PLCL1: variants seen among roughly 807,000 people sequenced by gnomAD.
PLCL1 encodes the protein phospholipase C like 1 (inactive).
A neutral mutation model predicts 84.4 loss-of-function variants in PLCL1; 41 were observed. The ratio of observed to expected loss-of-function variants is 0.49; its 90% CI spans 0.38 to 0.63. The LOEUF is 0.63. PLCL1 is among the 30% of genes least tolerant of loss of function. The pLI is 0.00. For missense variants in PLCL1, 1,206 were observed against 1,367.8 expected (o/e 0.88, Z 1.87); for synonymous variants, 490 against 488.3 (o/e 1.00, Z -0.05).
At chr2:198,091,084 GT>G (rs1285797801) in intron 3 of PLCL1, among the ~76,000 whole-genome samples, 4 of 152,194 alleles carry the variant, frequency 2.6e-5, no homozygotes, top group African/African-American at 9.7e-5. Context: ...TTCATGTACA[GT>G]TCTCTATGGA....
intron 1 of PLCL1, among the ~76,000 whole-genome samples, chr2:198,052,262 A>T (rs1204696680): frequency 6.6e-6 from 1 of 151,528 alleles, no homozygotes; most frequent in Non-Finnish European, 1.5e-5. Flanking sequence ...GTTGGCCAGG[A>T]TGGTCTCAAT....
chr2:197,830,281 T>C (rs1309839073), intron 1 of PLCL1, among the ~76,000 whole-genome samples: 1 of 151,220 alleles, frequency 6.6e-6, no homozygotes, highest in Non-Finnish European at 1.5e-5. Context: ...TGAAAAAAGG[T>C]TAGAGGGATT....
chr2:197,810,405 AGTTT>A (rs1690559578), intron 1 of PLCL1: 1 of 531,112 alleles, frequency 1.9e-6, no homozygotes, highest in Non-Finnish European at 3.1e-6. Context: ...GAATTTACAA[AGTTT>A]GTTTTCCCTT....
intron 1 of PLCL1, among the ~76,000 whole-genome samples, chr2:198,027,299 G>GA (rs1691292429): frequency 6.6e-6 from 1 of 152,100 alleles, no homozygotes; most frequent in Non-Finnish European, 1.5e-5. Context: ...TGCAGAATCT[G>GA]AAAAAAGTCT....
At chr2:198,045,528 T>A (rs1691766071) in intron 1 of PLCL1, among the ~76,000 whole-genome samples, 1 of 152,212 alleles carries the variant, frequency 6.6e-6, no homozygotes, top group Non-Finnish European at 1.5e-5. Context: ...GATGAGTCAG[T>A]TCATCTTGTT....
At chr2:197,952,968 A>G (rs1182772545) in intron 1 of PLCL1, among the ~76,000 whole-genome samples, 2 of 152,092 alleles carry the variant, frequency 1.3e-5, no homozygotes, top group Non-Finnish European at 2.9e-5. Flanking sequence ...TTTTATCAGC[A>G]GCATGAAAAC....
chr2:198,101,159 C>A, intron 3 of PLCL1, 126 bp from the exon 4 acceptor site: 1 of 666,004 alleles, frequency 1.5e-6, no homozygotes, highest in South Asian at 1.9e-5. Context: ...TCCCTCCCAT[C>A]TGTTGTGGTG....
rs770262547 is a variant in PLCL1 at position 198,103,928 on chromosome 2, G to A, written c.3097G>A (p.Val1033Ile). Residue 1033 changes from valine (V) to isoleucine (I), a missense_variant, in exon 5 of 6, where the codon GTA becomes ATA. Physicochemically the swap from Val to Ile is conservative, Grantham distance 29. Transcript: ENST00000428675. The stretch of plus-strand genomic sequence containing the variant: ...TGAGAGCTTTGCTTGGAACATTACA[G>A]TATTGAAGGTAGATGAAACACTCAG... ...ATESFAWNIT[V>I]LKGQGDLLKN... 5 of 1,563,508 alleles carry A rather than the reference G, an allele frequency of 3.2e-6. No homozygotes were observed. In the East Asian group the frequency reaches 6.9e-5, roughly 21 times the overall value.
intron 1 of PLCL1, among the ~76,000 whole-genome samples, chr2:197,992,149 G>T (rs745630550): frequency 3.0e-4 from 46 of 151,590 alleles, no homozygotes; most frequent in Non-Finnish European, 5.0e-4. Context: ...GTGCCATGTT[G>T]GTGTGCTGCA....
At chr2:198,030,364 C>CG (rs1691382233) in intron 1 of PLCL1, among the ~76,000 whole-genome samples, 1 of 152,026 alleles carries the variant, frequency 6.6e-6, no homozygotes, top group African/African-American at 2.4e-5. Flanking sequence ...TAACACTGCC[C>CG]GGTGATTGTG....
chr2:198,043,884 T>C (rs1261069746), intron 1 of PLCL1, among the ~76,000 whole-genome samples: 2 of 149,268 alleles, frequency 1.3e-5, no homozygotes, highest in Non-Finnish European at 3.0e-5. Flanking sequence ...TCTTGTTCTT[T>C]TTTTTTTTTT....
chr2:198,021,425 CAAAAAACGCTTCA>C (rs1691130613), intron 1 of PLCL1, among the ~76,000 whole-genome samples: 1 of 151,842 alleles, frequency 6.6e-6, no homozygotes, highest in African/African-American at 2.4e-5. Context: ...GATAGAGACA[CAAAAAACGCTTCA>C]AAAAAATCAA....
intron 5 of PLCL1, among the ~76,000 whole-genome samples, chr2:198,140,654 T>A (rs888773489): frequency 2.6e-5 from 4 of 152,148 alleles, no homozygotes; most frequent in Non-Finnish European, 4.4e-5. Context: ...TTTAACAGAG[T>A]ATGATTTCAA....
chr2:198,008,517 G>T (rs1161505309), intron 1 of PLCL1, among the ~76,000 whole-genome samples: 1 of 150,338 alleles, frequency 6.7e-6, no homozygotes, highest in African/African-American at 2.4e-5. Flanking sequence ...CATTCTTATT[G>T]TAGCATGTGA....
intron 1 of PLCL1, among the ~76,000 whole-genome samples, chr2:198,055,677 A>G (rs937793927): frequency 1.3e-5 from 2 of 152,144 alleles, no homozygotes; most frequent in African/African-American, 4.8e-5. Flanking sequence ...CGACATAGAT[A>G]ATATAAAATT....
chr2:197,922,842 T>C (rs1688736806), intron 1 of PLCL1, among the ~76,000 whole-genome samples: 3 of 113,884 alleles, frequency 2.6e-5, no homozygotes, highest in East Asian at 3.2e-4. Context: ...CACTTCCCAG[T>C]AGGGGCGGCC....
intron 1 of PLCL1, among the ~76,000 whole-genome samples, chr2:197,815,740 A>C (rs1310736174): frequency 6.6e-6 from 1 of 152,146 alleles, no homozygotes; most frequent in African/African-American, 2.4e-5. Context: ...CTCATGGATG[A>C]CTTTGAAAGG....
chr2:198,080,554 A>G (rs927174194), intron 1 of PLCL1, among the ~76,000 whole-genome samples: 2 of 152,198 alleles, frequency 1.3e-5, no homozygotes, highest in African/African-American at 4.8e-5. Flanking sequence ...GTCAGAGCCA[A>G]TAGCATGGCT....
At chr2:198,113,037 A>G (rs1461927572) in intron 5 of PLCL1, among the ~76,000 whole-genome samples, 1 of 151,932 alleles carries the variant, frequency 6.6e-6, no homozygotes, top group Non-Finnish European at 1.5e-5. Context: ...AGTGTAGAGT[A>G]TACATTTAGA....
Sources: allele counts gnomAD v4.1 joint callset (sites outside exome capture counted in the v4.1 genomes callset), GRCh38; gene constraint gnomAD v4.1.1; transcripts MANE v1.5; gene names NCBI Gene and HGNC (gene_info 2026-07-23, HGNC 2026-07-21).